Variants in POLR3A observed in about 807,000 individuals in gnomAD.
The protein encoded by POLR3A is RNA polymerase III subunit A.
POLR3A carries 112 observed loss-of-function variants against 152.8 expected under a neutral mutation model. The ratio of observed to expected loss-of-function variants is 0.73; its 90% CI spans 0.63 to 0.86. The LOEUF is 0.86. Among genes scored for constraint, POLR3A ranks in the 40% least tolerant of loss-of-function variants. The pLI, the probability that POLR3A is intolerant of heterozygous loss-of-function variation, is 0.00. For missense variants in POLR3A, 1,385 were observed against 1,743.1 expected, an observed-to-expected ratio of 0.79 and a Z score of 3.66; for synonymous variants, 615 against 652.1, an observed-to-expected ratio of 0.94 and a Z score of 0.87.
At chr10:78,025,185 T>C (rs751202583) in intron 3 of POLR3A, 43 bp from the exon 4 acceptor site, 4 of 1,605,896 alleles carry the variant, frequency 2.5e-6, no homozygotes, top group Non-Finnish European at 3.4e-6. Flanking sequence ...TAAGTGAGAA[T>C]GAAAAATTAT....
intron 1 of POLR3A, among the ~76,000 whole-genome samples, chr10:78,028,802 T>C (rs1414809474): frequency 6.6e-6 from 1 of 152,034 alleles, no homozygotes; most frequent in Non-Finnish European, 1.5e-5. Context: ...CGCGCCCGGC[T>C]GGATTCACTT....
chr10:77,985,828 G>A (rs1847191985), intron 23 of POLR3A, 75 bp downstream of exon 23: 6 of 1,108,410 alleles, frequency 5.4e-6, no homozygotes, highest in Non-Finnish European at 8.3e-6. Context: ...GCAGGGTTTT[G>A]TACACATGGG....
intron 10 of POLR3A, among the ~76,000 whole-genome samples, chr10:78,017,251 C>G (rs1360049843): frequency 6.6e-6 from 1 of 151,654 alleles, no homozygotes; most frequent in Non-Finnish European, 1.5e-5. Context: ...ATAGTGAGAC[C>G]CCCGTCTCAA....
chr10:78,009,540 A>C lies in POLR3A; in HGVS notation c.1906T>G (p.Ser636Ala). ...CACCCGAGTTCCGTCCACTCACAGG[A>C]ATCATTGGCACAGAGATCTTCCCCT... Reference protein sequence around the residue: ...GKGEDLCANDSYVTIQNSELM... With the variant: ...GKGEDLCANDAYVTIQNSELM... The change falls in exon 14 of 31, where the codon TCC (serine) becomes GCC (alanine). Residue 636 changes from serine (S) to alanine (A), a missense_variant. Coordinates refer to ENST00000372371, the MANE Select transcript of POLR3A (RefSeq NM_007055.4). 6.2e-7 allele frequency: 1 copy of C among 1,614,166 alleles called. No individual in the cohort carries two copies. Among genetic ancestry groups the C allele is most frequent in the Non-Finnish European group, 8.5e-7 (1 of 1,180,034 alleles).
At chr10:78,018,518 T>C (rs1847547580) in intron 9 of POLR3A, among the ~76,000 whole-genome samples, 2 of 149,874 alleles carry the variant, frequency 1.3e-5, no homozygotes, top group African/African-American at 2.5e-5. Context: ...AAAAAAGACA[T>C]ATCCTAATTT....
At chr10:78,015,883 G>A (rs895719469) in intron 10 of POLR3A, among the ~76,000 whole-genome samples, 1 of 152,118 alleles carries the variant, frequency 6.6e-6, no homozygotes, top group Non-Finnish European at 1.5e-5. Flanking sequence ...AGAAAGAGAA[G>A]GCTTTAGTTA....
intron 6 of POLR3A, 29 bp from the exon 7 acceptor site, chr10:78,022,051 A>T: frequency 6.2e-7 from 1 of 1,614,188 alleles, no homozygotes; most frequent in Non-Finnish European, 8.5e-7. Flanking sequence ...AAACAGAAAC[A>T]AACCTGGTCA....
In POLR3A at chr10:78,007,958, A is replaced by G; in HGVS notation, c.1910-92T>C. The G allele has an allele frequency of 2.9e-6, 3 of 1,025,394 alleles. No individual in the cohort carries two copies. In the East Asian group the frequency reaches 9.0e-5, roughly 31 times the overall value. The allele number at this position is 1,025,394 out of a possible 1,614,324, so 63.5% of individuals were successfully genotyped here. A position where few individuals can be genotyped will look rare whatever the true frequency, so the allele number is the denominator to read the frequency against. ...GAGACAGTTGAGAAAATATGTTCCC[A>G]TACTGACACTTAAAGCAGAACAAAC... On this transcript the variant is annotated intron_variant, in intron 14 of 30. Transcript: ENST00000372371.
At position 77,982,185 on chromosome 10, in the gene POLR3A, C is replaced by T. The variant is rs1451873262; in HGVS notation, c.3728G>A (p.Gly1243Asp). Residue 1243 changes from glycine (G) to aspartate (D), a missense_variant, in exon 28 of 31, where the codon GGC becomes GAC. Gly to Asp is a moderately conservative substitution (Grantham distance 94). Coordinates refer to ENST00000372371, the MANE Select transcript of POLR3A (RefSeq NM_007055.4). ...GGTGTTATTGGAGGTGGTTCGGGTG[C>T]CCTTCACACCGTGTGTGGCCATGAC... ...RAVMATHGVK[G>D]TRTTSNNTYE... 5 of 1,613,982 alleles carry T rather than the reference C, an allele frequency of 3.1e-6. No individual in the cohort carries two copies. Among genetic ancestry groups the T allele is most frequent in the Non-Finnish European group, 4.2e-6 (5 of 1,179,992 alleles).
chr10:77,980,139 ACCACACACAGAGTC>A lies in POLR3A; in HGVS notation c.4012_4024+1del. The A allele has an allele frequency of 6.2e-7, 1 of 1,613,842 alleles. No individual in the cohort carries two copies. The highest frequency in any genetic ancestry group is 8.5e-7 in the Non-Finnish European group (1 of 1,179,716). On this transcript the variant is annotated splice_donor_variant and coding_sequence_variant, in exon 30 of 31. Coordinates refer to ENST00000372371, the MANE Select transcript of POLR3A (RefSeq NM_007055.4). LOFTEE classifies it high-confidence loss of function. ...TGCTGTTCATAGAAACATCAAACCT[ACCACACACAGAGTC>A]CTTCTGCCCGAAGTAGGCAGCGTCA...
chr10:77,995,543 A>G (rs1847291321), intron 19 of POLR3A, among the ~76,000 whole-genome samples: 1 of 152,158 alleles, frequency 6.6e-6, no homozygotes, highest in South Asian at 2.1e-4. Context: ...TTAAACCAAC[A>G]AAGATCAAAA....
intron 2 of POLR3A, 88 bp from the exon 3 acceptor site, chr10:78,025,847 T>C: frequency 7.7e-7 from 1 of 1,297,004 alleles, no homozygotes; most frequent in Non-Finnish European, 1.1e-6. Context: ...TGACACAGAA[T>C]CATTTCTTTT....
Position 78,007,720 on chromosome 10 carries a change from G to A in POLR3A, c.2056C>T (p.Leu686=). ...AADAMSRLAR[L]APVYLSNRGF... Reference sequence around the variant, plus strand: ...TACTTACACAGGTAGACAGGAGCCAGCCTGGCGAGCCGTGACATGGCATCT... The same window carrying A: ...TACTTACACAGGTAGACAGGAGCCAACCTGGCGAGCCGTGACATGGCATCT... The change falls in exon 15 of 31, where the codon CTG becomes TTG. Residue 686 remains leucine (L), a synonymous_variant. Transcript: ENST00000372371. 6.2e-7 allele frequency: 1 copy of A among 1,613,942 alleles called. No individual in the cohort carries two copies. The highest frequency in any genetic ancestry group is 8.5e-7 in the Non-Finnish European group (1 of 1,179,858).
chr10:78,012,727 TTTTTC>T lies in POLR3A; in HGVS notation c.1572+918_1572+922del, dbSNP rs538876547. Among the ~76,000 whole-genome samples the T allele has an allele frequency of 2.3e-3, 344 of 152,164 alleles. 2 individuals carry two copies. The highest frequency in any genetic ancestry group is 4.0e-3 in the Non-Finnish European group (272 of 67,984). On this transcript the variant is annotated intron_variant, in intron 11 of 30. Coordinates refer to ENST00000372371, the MANE Select transcript of POLR3A (RefSeq NM_007055.4). ...ACATGTAGTGCCAACAGGTTTTTTT[TTTTTC>T]TTCTTTTGAGACAGGGTCTTGCTCT...
chr10:78,022,102 A>G (rs952168107), intron 6 of POLR3A, 43 bp downstream of exon 6: 1 of 1,614,156 alleles, frequency 6.2e-7, no homozygotes, highest in Non-Finnish European at 8.5e-7. Flanking sequence ...AAGTTTTTGG[A>G]TAGATATACT....
At chr10:78,005,113 C>T (rs1847398437) in intron 15 of POLR3A, among the ~76,000 whole-genome samples, 1 of 152,206 alleles carries the variant, frequency 6.6e-6, no homozygotes, top group African/African-American at 2.4e-5. Context: ...TAGGACTCAA[C>T]TGACTTCTCT....
chr10:78,005,788 G>C (rs1373614312), intron 15 of POLR3A, among the ~76,000 whole-genome samples: 1 of 152,200 alleles, frequency 6.6e-6, no homozygotes. Flanking sequence ...TCTGGGTCTG[G>C]GAATACCAGG....
chr10:78,023,309 A>G (rs1369208368), intron 5 of POLR3A, among the ~76,000 whole-genome samples: 1 of 151,564 alleles, frequency 6.6e-6, no homozygotes, highest in Admixed American at 6.6e-5. Context: ...AAAGTACAAA[A>G]ATTAGCCGGG....
rs144111066 is a variant in POLR3A, at chr10:77,981,513, T to C, written c.3806A>G (p.Asn1269Ser). The C allele has an allele frequency of 5.9e-5, 96 of 1,613,934 alleles. No homozygotes were observed. The highest frequency in any genetic ancestry group is 2.9e-4 in the East Asian group (13 of 44,870). Reference protein sequence around the residue: ...GIEAARTTIINEIQYTMVNHG... With the variant: ...GIEAARTTIISEIQYTMVNHG... ...GTTCACCATGGTGTACTGGATTTCA[T>C]TGATGATCGTTGTCCGGGCGGCCTC... is the stretch of plus-strand genomic sequence containing the variant. The change falls in exon 29 of 31, where the codon AAT (asparagine) becomes AGT (serine). Residue 1269 changes from asparagine (N) to serine (S), a missense_variant. Transcript: ENST00000372371.
Sources: gnomAD v4.1 joint callset for allele counts (sites outside exome capture counted in the v4.1 genomes callset) on GRCh38, gnomAD v4.1.1 for gene constraint, MANE v1.5 for transcripts, NCBI Gene and HGNC (gene_info 2026-07-23, HGNC 2026-07-21) for gene names.